The following CDH12 variants were observed in gnomAD, a reference collection of about 807,000 sequenced individuals.
CDH12 encodes the protein cadherin 12, also known as cadherin-12.
In CDH12, 41 loss-of-function variants were observed where a neutral mutation model predicts 74.1. The ratio of observed to expected loss-of-function variants is 0.55; its 90% CI spans 0.43 to 0.72. CDH12 has a LOEUF of 0.72. Ranked by LOEUF, CDH12 falls within the 30% of genes least tolerant of loss-of-function variation. CDH12 has a pLI of 0.00. For missense variants in CDH12, 945 were observed against 977.2 expected (o/e 0.97, Z 0.44); for synonymous variants, 399 against 355.0 (o/e 1.12, Z -1.39).
intron 4 of CDH12, among the ~76,000 whole-genome samples, chr5:22,102,594 G>A (rs901421116): frequency 2.0e-5 from 3 of 152,034 alleles, no homozygotes; most frequent in Non-Finnish European, 2.9e-5. Context: ...GCTTGTACCC[G>A]GGAGGCGTAG....
At chr5:21,800,059 C>T (rs1579724684) in intron 10 of CDH12, among the ~76,000 whole-genome samples, 1 of 152,152 alleles carries the variant, frequency 6.6e-6, no homozygotes, top group East Asian at 1.9e-4. Flanking sequence ...CATTGGACCT[C>T]TCACCCCTCT....
At chr5:22,322,375 A>AAC (rs1231925537) in intron 3 of CDH12, among the ~76,000 whole-genome samples, 5 of 151,594 alleles carry the variant, frequency 3.3e-5, no homozygotes, top group African/African-American at 4.8e-5. Flanking sequence ...TTAAAAAAAA[A>AAC]AAACATGGTA....
intron 1 of CDH12, among the ~76,000 whole-genome samples, chr5:22,576,604 G>A (rs920523111): frequency 1.6e-4 from 25 of 152,098 alleles, no homozygotes; most frequent in African/African-American, 5.6e-4. Context: ...AACTAGAATC[G>A]GAGGAAATTG....
chr5:22,661,835 C>T (rs776143169), intron 1 of CDH12, among the ~76,000 whole-genome samples: 77 of 152,056 alleles, frequency 5.1e-4, no homozygotes, highest in Non-Finnish European at 9.1e-4. Context: ...GCTACCTCCC[C>T]TCACATCTTT....
chr5:22,629,008 T>C (rs189044770), intron 1 of CDH12, among the ~76,000 whole-genome samples: 1 of 149,954 alleles, frequency 6.7e-6, no homozygotes, highest in East Asian at 2.0e-4. Context: ...CTACAAGAAA[T>C]GGAAAAGAAT....
intron 2 of CDH12, among the ~76,000 whole-genome samples, chr5:22,495,315 GTTCA>G (rs1244464863): frequency 6.6e-6 from 1 of 152,102 alleles, no homozygotes; most frequent in Admixed American, 6.6e-5. Flanking sequence ...CCTTAAAGAT[GTTCA>G]TTGAGAATTT....
chr5:22,848,032 C>G (rs1332019187), intron 1 of CDH12, among the ~76,000 whole-genome samples: 1 of 152,102 alleles, frequency 6.6e-6, no homozygotes, highest in Non-Finnish European at 1.5e-5. Flanking sequence ...GAAAGGTGTG[C>G]ACCACCATGC....
At chr5:22,309,056 T>C (rs965094975) in intron 3 of CDH12, among the ~76,000 whole-genome samples, 12 of 151,870 alleles carry the variant, frequency 7.9e-5, no homozygotes, top group African/African-American at 2.7e-4. Flanking sequence ...GACAGAACCA[T>C]ACAAAAATGG....
intron 1 of CDH12, among the ~76,000 whole-genome samples, chr5:22,708,651 G>C (rs558173713): frequency 6.6e-6 from 1 of 151,984 alleles, no homozygotes; most frequent in South Asian, 2.1e-4. Context: ...GTGGGTGTGC[G>C]GCTGGAGTTA....
At chr5:22,114,492 A>G (rs1388120203) in intron 4 of CDH12, among the ~76,000 whole-genome samples, 2 of 152,190 alleles carry the variant, frequency 1.3e-5, no homozygotes, top group African/African-American at 4.8e-5. Flanking sequence ...CCTAAAGAAA[A>G]TGAGTATAAA....
intron 6 of CDH12, among the ~76,000 whole-genome samples, chr5:21,897,315 T>C (rs940906707): frequency 6.6e-6 from 1 of 152,206 alleles, no homozygotes; most frequent in African/African-American, 2.4e-5. Context: ...TAGAAAGCTC[T>C]GGTTTCCTCC....
At chr5:22,697,901 G>A (rs1454065326) in intron 1 of CDH12, among the ~76,000 whole-genome samples, 1 of 152,020 alleles carries the variant, frequency 6.6e-6, no homozygotes, top group African/African-American at 2.4e-5. Context: ...CATGGAGTAG[G>A]TGGCTGTCTC....
chr5:22,381,362 A>T (rs922773181), intron 3 of CDH12, among the ~76,000 whole-genome samples: 3 of 152,102 alleles, frequency 2.0e-5, no homozygotes, highest in African/African-American at 7.2e-5. Context: ...AAATATTTTT[A>T]AAATCATGTA....
intron 6 of CDH12, among the ~76,000 whole-genome samples, chr5:21,963,056 A>G (rs368809954): frequency 6.6e-6 from 1 of 152,212 alleles, no homozygotes; most frequent in African/African-American, 2.4e-5. Flanking sequence ...CTCTCAGATA[A>G]CAATCACTTA....
At chr5:22,675,816 T>G (rs1342102103) in intron 1 of CDH12, among the ~76,000 whole-genome samples, 2 of 140,758 alleles carry the variant, frequency 1.4e-5, no homozygotes, top group Non-Finnish European at 3.1e-5. Flanking sequence ...AGTGTGAAAA[T>G]GAACTAATAC....
chr5:22,105,016 C>T lies in CDH12; in HGVS notation c.-186-26154G>A, dbSNP rs1020305896. Among the ~76,000 whole-genome samples the T allele has an allele frequency of 6.6e-5, 10 of 152,088 alleles. No individual in the cohort carries two copies. The South Asian group carries it at 1.2e-3, about 19-fold the overall frequency. Reference sequence around the variant, plus strand: ...TAGTGGCTTCATGCTTTCCTTGGCTCATACACGATATGCTCCCTGTGACTT... The same window carrying T: ...TAGTGGCTTCATGCTTTCCTTGGCTTATACACGATATGCTCCCTGTGACTT... On this transcript the variant is annotated intron_variant, in intron 4 of 14. Coordinates refer to ENST00000382254, the MANE Select transcript of CDH12 (RefSeq NM_004061.5).
chr5:21,849,594 C>T (rs1276558788), intron 7 of CDH12, among the ~76,000 whole-genome samples: 1 of 151,670 alleles, frequency 6.6e-6, no homozygotes, highest in Non-Finnish European at 1.5e-5. Flanking sequence ...TTAATGCTTC[C>T]TGGCAACTTA....
intron 4 of CDH12, among the ~76,000 whole-genome samples, chr5:22,210,758 G>T (rs922670320): frequency 6.6e-6 from 1 of 151,602 alleles, no homozygotes; most frequent in African/African-American, 2.4e-5. Flanking sequence ...TGTTTTCAGC[G>T]ACATGCAAGT....
chr5:22,244,647 G>A (rs2150382936), intron 3 of CDH12, among the ~76,000 whole-genome samples: 1 of 144,484 alleles, frequency 6.9e-6, no homozygotes, highest in East Asian at 2.0e-4. Flanking sequence ...AGGGAGGGGA[G>A]AGAGAAAGAG....
Sources: allele counts gnomAD v4.1 joint callset (sites outside exome capture counted in the v4.1 genomes callset), GRCh38; gene constraint gnomAD v4.1.1; transcripts MANE v1.5; gene names NCBI Gene and HGNC (gene_info 2026-07-23, HGNC 2026-07-21).